Variants in CENPW observed in about 807,000 individuals in gnomAD.
CENPW encodes cancer-up-regulated gene 2 protein.
In CENPW, 3 loss-of-function variants were observed where a neutral mutation model predicts 11.1. That is an observed-to-expected ratio of 0.27 (90% CI 0.12 to 0.70). CENPW has a LOEUF of 0.70. Ranked by LOEUF, CENPW falls within the 30% of genes least tolerant of loss-of-function variation. CENPW has a pLI of 0.77. For synonymous variants in CENPW, 38 were observed against 42.0 expected (o/e 0.91, Z 0.37); for missense variants, 100 against 105.6 (o/e 0.95, Z 0.23).
the CENPW span, among the ~76,000 whole-genome samples, chr6:126,406,978 G>A: frequency 1.3e-5 from 2 of 152,044 alleles, no homozygotes; most frequent in Admixed American, 1.3e-4. Context: ...GATGTACAGG[G>A]TTGTTACATA....
At chr6:126,354,671 G>A in the CENPW span, among the ~76,000 whole-genome samples, 74 of 152,224 alleles carry the variant, frequency 4.9e-4, no homozygotes, top group Non-Finnish European at 7.9e-4. Context: ...AAATGTCTCC[G>A]TGGTAAAATC....
chr6:126,447,032 G>A, the CENPW span, among the ~76,000 whole-genome samples: 1 of 151,146 alleles, frequency 6.6e-6, no homozygotes, highest in Non-Finnish European at 1.5e-5. Context: ...TAGAAAATTT[G>A]TAACAGCTGA....
the CENPW span, among the ~76,000 whole-genome samples, chr6:126,358,601 T>C: frequency 4.6e-5 from 7 of 152,190 alleles, no homozygotes; most frequent in African/African-American, 1.7e-4. Flanking sequence ...CTGCTGGATT[T>C]GGTTTGCTAG....
the CENPW span, among the ~76,000 whole-genome samples, chr6:126,402,427 A>G: frequency 1.3e-5 from 2 of 151,932 alleles, no homozygotes; most frequent in African/African-American, 4.8e-5. Flanking sequence ...TTATTGTACA[A>G]TAATCACTAC....
At chr6:126,457,861 A>G in the CENPW span, among the ~76,000 whole-genome samples, 2 of 151,488 alleles carry the variant, frequency 1.3e-5, no homozygotes, top group African/African-American at 2.4e-5. Context: ...AGATCATTCT[A>G]TGATATAGTC....
chr6:126,418,104 G>A, the CENPW span, among the ~76,000 whole-genome samples: 11 of 152,156 alleles, frequency 7.2e-5, no homozygotes, highest in Non-Finnish European at 1.5e-4. Flanking sequence ...ACCAAGTGTT[G>A]GAAAGGATGT....
chr6:126,393,902 G>A, the CENPW span, among the ~76,000 whole-genome samples: 1 of 151,332 alleles, frequency 6.6e-6, no homozygotes, highest in African/African-American at 2.4e-5. Flanking sequence ...GTCTCTTTGT[G>A]TACTTTTCAT....
the CENPW span, among the ~76,000 whole-genome samples, chr6:126,382,798 G>C: frequency 6.6e-6 from 1 of 152,134 alleles, no homozygotes. Context: ...AAGAGACCAA[G>C]TCAACAACTC....
At chr6:126,421,181 T>A in the CENPW span, among the ~76,000 whole-genome samples, 1 of 152,180 alleles carries the variant, frequency 6.6e-6, no homozygotes, top group Non-Finnish European at 1.5e-5. Context: ...CATCTCATAG[T>A]TATTTTGTCC....
At chr6:126,436,897 ATGGC>A in the CENPW span, among the ~76,000 whole-genome samples, 1 of 151,864 alleles carries the variant, frequency 6.6e-6, no homozygotes, top group Non-Finnish European at 1.5e-5. Flanking sequence ...ATTAATTCAC[ATGGC>A]TGTTATTTAT....
the CENPW span, among the ~76,000 whole-genome samples, chr6:126,439,003 T>C: frequency 6.6e-6 from 1 of 151,742 alleles, no homozygotes; most frequent in African/African-American, 2.4e-5. Flanking sequence ...CTAGCAAAGA[T>C]ATGTATTTTT....
At chr6:126,346,339 C>T (rs752369044) in intron 2 of CENPW, 21 bp downstream of exon 2, 3 of 1,489,274 alleles carry the variant, frequency 2.0e-6, no homozygotes, top group Non-Finnish European at 2.8e-6. Flanking sequence ...AATTTCTTTT[C>T]TCGAGCAAGA....
Position 126,341,896 on chromosome 6 carries a change from A to G in CENPW, c.126+1497A>G, listed in dbSNP as rs78438323. Among the ~76,000 whole-genome samples, 914 of 152,290 alleles carry G rather than the reference A, an allele frequency of 6.0e-3. 10 individuals carry two copies. The highest frequency in any genetic ancestry group is 0.021 in the African/African-American group (865 of 41,566). ...AAGAACCCATGGACAGAGGGGCTCC[A>G]TAGTGCGGTGGGATCCAGGTGGCAT... is the stretch of plus-strand genomic sequence containing the variant. On this transcript the variant is annotated intron_variant, in intron 1 of 2. Coordinates refer to ENST00000368328, the MANE Select transcript of CENPW (RefSeq NM_001012507.4).
the CENPW span, among the ~76,000 whole-genome samples, chr6:126,417,207 T>C: frequency 6.6e-6 from 1 of 152,224 alleles, no homozygotes; most frequent in African/African-American, 2.4e-5. Context: ...GCATGGGGCC[T>C]GTAACCCCTT....
At chr6:126,364,586 A>T in the CENPW span, among the ~76,000 whole-genome samples, 1 of 152,162 alleles carries the variant, frequency 6.6e-6, no homozygotes, top group Non-Finnish European at 1.5e-5. Flanking sequence ...GTATATAAGC[A>T]CATAACCCTC....
the CENPW span, among the ~76,000 whole-genome samples, chr6:126,417,571 G>A: frequency 7.2e-5 from 11 of 152,148 alleles, no homozygotes; most frequent in African/African-American, 2.2e-4. Context: ...GGTCTTTCCT[G>A]TGCTGTTCTT....
chr6:126,352,527 C>G (rs1780503288), downstream of CENPW, among the ~76,000 whole-genome samples: 1 of 152,032 alleles, frequency 6.6e-6, no homozygotes, highest in Non-Finnish European at 1.5e-5. Context: ...ATCTCTAATC[C>G]ATGTTGCTTG....
the CENPW span, among the ~76,000 whole-genome samples, chr6:126,424,103 A>G: frequency 1.3e-5 from 2 of 152,142 alleles, no homozygotes; most frequent in Non-Finnish European, 2.9e-5. Flanking sequence ...GGTGAATAAT[A>G]TAGGACTTAG....
At chr6:126,396,575 G>A in the CENPW span, among the ~76,000 whole-genome samples, 1 of 152,116 alleles carries the variant, frequency 6.6e-6, no homozygotes, top group African/African-American at 2.4e-5. Context: ...TATGGTGCAA[G>A]ACTAAGTCAT....
Sources: gnomAD v4.1 joint callset for allele counts (sites outside exome capture counted in the v4.1 genomes callset) on GRCh38, gnomAD v4.1.1 for gene constraint, MANE v1.5 for transcripts, NCBI Gene and HGNC (gene_info 2026-07-23, HGNC 2026-07-21) for gene names.